Variants in TSPEAR observed in about 807,000 individuals in gnomAD.
TSPEAR encodes thrombospondin type laminin G domain and EAR repeats.
Under a neutral mutation model 71.6 loss-of-function variants are expected in TSPEAR, and 69 were observed. The observed-to-expected ratio is 0.96, with a 90% CI of 0.79 to 1.18. The LOEUF (loss-of-function observed/expected upper bound fraction) is 1.18. TSPEAR is among the 50% of genes most tolerant of loss of function. The probability of loss-of-function intolerance (pLI) is 0.00; values close to 1 mark genes in which losing one functional copy is unlikely to be tolerated. For synonymous variants in TSPEAR, 402 were observed against 387.2 expected (o/e 1.04, Z -0.45); for missense variants, 971 against 894.9 (o/e 1.09, Z -1.09).
chr21:44,632,289 C>A (rs1983301670), intron 1 of TSPEAR, among the ~76,000 whole-genome samples: 1 of 152,016 alleles, frequency 6.6e-6, no homozygotes, highest in African/African-American at 2.4e-5. Flanking sequence ...AGATTAACAG[C>A]CAATTTCTCT....
intron 2 of TSPEAR, among the ~76,000 whole-genome samples, chr21:44,542,753 A>G (rs1411903302): frequency 6.6e-6 from 1 of 150,542 alleles, no homozygotes; most frequent in African/African-American, 2.4e-5. Flanking sequence ...AAAAAAAAAA[A>G]AAAAAGAAAA....
At chr21:44,704,130 G>A (rs1158693345) in intron 1 of TSPEAR, among the ~76,000 whole-genome samples, 4 of 152,194 alleles carry the variant, frequency 2.6e-5, no homozygotes, top group East Asian at 1.9e-4. Context: ...GGGCCCTCCC[G>A]CAATTAGAAC....
Position 44,555,507 on chromosome 21 carries a change from TAC to T in TSPEAR, c.303+12276_303+12277del, listed in dbSNP as rs150646668. The stretch of plus-strand genomic sequence containing the variant: ...TGAAGATGCAGAAGCCGTGTTCCCT[TAC>T]AGAGTCCCACCCAGTGGGGAGACGT... On this transcript the variant is annotated intron_variant, in intron 2 of 11. Transcript: ENST00000323084. Among the ~76,000 whole-genome samples the T allele has an allele frequency of 9.8e-3, 1,494 of 152,238 alleles. 22 individuals carry two copies. The highest frequency in any genetic ancestry group is 0.034 in the African/African-American group (1,397 of 41,538).
intron 10 of TSPEAR, among the ~76,000 whole-genome samples, chr21:44,505,897 T>A (rs1473680261): frequency 5.9e-5 from 9 of 152,056 alleles, no homozygotes; most frequent in African/African-American, 1.9e-4. Flanking sequence ...TTTTAAGAGG[T>A]TGAAACAATC....
At chr21:44,629,606 C>T (rs368086571) in intron 1 of TSPEAR, among the ~76,000 whole-genome samples, 1 of 152,318 alleles carries the variant, frequency 6.6e-6, no homozygotes, top group Non-Finnish European at 1.5e-5. Flanking sequence ...GTGAGGGTGG[C>T]AGTGAGGCCA....
chr21:44,523,509 AGTC>A (rs1462898897), intron 8 of TSPEAR, among the ~76,000 whole-genome samples: 8 of 151,620 alleles, frequency 5.3e-5, no homozygotes, highest in Non-Finnish European at 7.4e-5. Flanking sequence ...GTAGGCAGTC[AGTC>A]GTCAGTCAGT....
intron 9 of TSPEAR, chr21:44,518,194 T>A (rs1439300477): frequency 2.5e-6 from 1 of 396,446 alleles, no homozygotes; most frequent in Non-Finnish European, 5.1e-6. Context: ...CTTAAAAAAA[T>A]TCCTTTCTGT....
At chr21:44,630,435 A>G (rs902551400) in intron 1 of TSPEAR, among the ~76,000 whole-genome samples, 5 of 152,294 alleles carry the variant, frequency 3.3e-5, no homozygotes, top group Non-Finnish European at 7.4e-5. Context: ...CACCCCAAAA[A>G]ACCTGGGAGG....
At chr21:44,579,313 C>T (rs1978702838) in intron 1 of TSPEAR, 1 of 211,752 alleles carries the variant, frequency 4.7e-6, no homozygotes, top group Non-Finnish European at 9.5e-6. Context: ...CTGTGAGTTC[C>T]ACCTGGTGAC....
At chr21:44,532,258 A>G (rs1250102561) in intron 3 of TSPEAR, among the ~76,000 whole-genome samples, 39 of 152,196 alleles carry the variant, frequency 2.6e-4, no homozygotes, top group Admixed American at 2.6e-3. Flanking sequence ...TTCGACCCTG[A>G]TTTCTTCCTT....
intron 1 of TSPEAR, among the ~76,000 whole-genome samples, chr21:44,686,883 T>G (rs1986885246): frequency 6.6e-6 from 1 of 152,206 alleles, no homozygotes; most frequent in African/African-American, 2.4e-5. Context: ...TCGTTGTCCT[T>G]TGCCTTCCTG....
In TSPEAR at chr21:44,499,180, G is replaced by A. The variant is rs1438297813; in HGVS notation, c.*603C>T. On this transcript the variant is annotated 3_prime_UTR_variant, in exon 12 of 12. Coordinates refer to ENST00000323084, the MANE Select transcript of TSPEAR (RefSeq NM_144991.3). ...GCTTGTGATTTCTGACCTCGCGCTA[G>A]TGCATTTACGGGTAAACTGAGGCTG... is the stretch of plus-strand genomic sequence containing the variant. 1 of 152,272 alleles carries A rather than the reference G, an allele frequency of 6.6e-6. No individual in the cohort carries two copies. Among genetic ancestry groups the A allele is most frequent in the Non-Finnish European group, 1.5e-5 (1 of 68,092 alleles). The allele number at this position is 152,272 out of a possible 1,614,324, so 9.4% of individuals were successfully genotyped here.
chr21:44,698,881 G>A (rs1374877893), intron 1 of TSPEAR, among the ~76,000 whole-genome samples: 5 of 152,142 alleles, frequency 3.3e-5, no homozygotes, highest in African/African-American at 1.2e-4. Context: ...CTCCAGCCGG[G>A]GCAACAGAGT....
intron 11 of TSPEAR, among the ~76,000 whole-genome samples, chr21:44,501,782 G>A (rs2052036677): frequency 6.6e-6 from 1 of 150,484 alleles, no homozygotes; most frequent in South Asian, 2.1e-4. Context: ...AAATAAATAA[G>A]AAGGAGATAT....
At chr21:44,516,512 C>G (rs1403377840) in intron 9 of TSPEAR, 1 of 152,226 alleles carries the variant, frequency 6.6e-6, no homozygotes, top group Non-Finnish European at 1.5e-5. Flanking sequence ...CTCCCCTCCC[C>G]CAAGCAGCCT....
rs587764961 is a variant in TSPEAR at position 44,642,540 on chromosome 21, T to G, written c.82+68893A>C. Among the ~76,000 whole-genome samples, 12 of 152,204 alleles carry G rather than the reference T, an allele frequency of 7.9e-5. No homozygotes were observed. Among genetic ancestry groups the G allele is most frequent in the African/African-American group, 2.9e-4 (12 of 41,552 alleles). Reference sequence around the variant, plus strand: ...GCCATTATGGGAAATAGTACGGAAGTTCCTCAAAAAATTAAAAATGGGGCC... The same window carrying G: ...GCCATTATGGGAAATAGTACGGAAGGTCCTCAAAAAATTAAAAATGGGGCC... On this transcript the variant is annotated intron_variant, in intron 1 of 11. Transcript: ENST00000323084. This position sits in a 1 kb window ranked among gnomAD's most constrained non-coding sequence, Gnocchi z 4.1.
At chr21:44,551,386 T>A (rs782030252) in intron 2 of TSPEAR, 1 of 1,613,262 alleles carries the variant, frequency 6.2e-7, no homozygotes, top group East Asian at 2.2e-5. Flanking sequence ...TCACAGCAGC[T>A]CTCTGGGCAG....
intron 9 of TSPEAR, 110 bp from the exon 10 acceptor site, chr21:44,509,496 C>CAGAGGTGTGGGGGAGGGGGT (rs2052298353): frequency 7.7e-6 from 1 of 129,258 alleles, no homozygotes; most frequent in African/African-American, 6.4e-5. Context: ...GGGGAGGGGG[C>CAGAGGTGTGGGGGAGGGGGT]GCAGAGGTGT....
intron 2 of TSPEAR, chr21:44,539,361 G>T (rs782688061): frequency 1.1e-5 from 18 of 1,612,554 alleles, no homozygotes; most frequent in Middle Eastern, 1.7e-4. Context: ...GAGGCCGGGC[G>T]GCAGCAGCTG....
Sources: gnomAD v4.1 joint callset for allele counts (sites outside exome capture counted in the v4.1 genomes callset) on GRCh38, gnomAD v4.1.1 for gene constraint, Gnocchi (gnomAD v3.1) non-coding constraint, MANE v1.5 for transcripts, NCBI Gene and HGNC (gene_info 2026-07-23, HGNC 2026-07-21) for gene names.